The following CCP110 variants were observed in gnomAD, a reference collection of about 807,000 sequenced individuals.
CCP110 encodes centriolar coiled-coil protein 110.
Under a neutral mutation model 105.5 loss-of-function variants are expected in CCP110, and 43 were observed. The observed-to-expected ratio is 0.41, with a 90% CI of 0.32 to 0.53. The LOEUF (loss-of-function observed/expected upper bound fraction) is 0.53. CCP110 is among the 20% of genes least tolerant of loss of function. The pLI is 0.32. For missense variants in CCP110, 1,016 were observed against 1,189.1 expected, an observed-to-expected ratio of 0.85 and a Z score of 2.14; for synonymous variants, 353 against 392.1, an observed-to-expected ratio of 0.90 and a Z score of 1.18.
chr16:19,550,786 T>C (rs1274395620), intron 14 of CCP110, among the ~76,000 whole-genome samples: 1 of 152,242 alleles, frequency 6.6e-6, no homozygotes, highest in Non-Finnish European at 1.5e-5. Context: ...AATTGCAATC[T>C]CTGATGTTAT....
rs370519570 is a variant in CCP110 at position 19,537,154 on chromosome 16, C to T, written c.1485C>T (p.Asn495=). The change falls in exon 4 of 15, where the codon AAC becomes AAT. Residue 495 remains asparagine, a synonymous_variant. Coordinates refer to ENST00000381396, the Ensembl canonical transcript of CCP110. ...ATGAGAGAGGCGCACACATAATGAA[C>T]AGTACCTGTGCTGCGATGCCAAAGC... 195 of 1,614,186 alleles carry T rather than the reference C, an allele frequency of 1.2e-4. No individual in the cohort carries two copies. The Middle Eastern group carries it at 1.3e-3, about 11-fold the overall frequency.
chr16:19,545,025 G>C, intron 9 of CCP110, 69 bp from the exon 10 acceptor site: 1 of 1,004,572 alleles, frequency 1.0e-6, no homozygotes, highest in Non-Finnish European at 1.5e-6. Flanking sequence ...AGTGTACATG[G>C]TATATAGTAT....
chr16:19,542,028 G>A lies in CCP110; in HGVS notation c.2191G>A (p.Ala731Thr), dbSNP rs971664346. ...TTTGCTGGAAACAATGCTGTCTCAA[G>A]CGGACTCACTCCATACTTCAAATTC... Residue 731 changes from alanine (A) to threonine (T), a missense_variant, in exon 6 of 15, where the codon GCG becomes ACG. By Grantham distance (58) the Ala-to-Thr change is moderately conservative. Coordinates refer to ENST00000381396, the Ensembl canonical transcript of CCP110. 4.4e-5 allele frequency: 71 copies of A among 1,598,492 alleles called. 1 individual carries two copies. Among genetic ancestry groups the A allele is most frequent in the Non-Finnish European group, 1.7e-6 (2 of 1,175,882 alleles).
intron 8 of CCP110, among the ~76,000 whole-genome samples, chr16:19,543,490 T>C (rs1019554365): frequency 1.3e-5 from 2 of 152,076 alleles, no homozygotes; most frequent in African/African-American, 4.8e-5. Flanking sequence ...AGGAAATCAG[T>C]GCAACTTGAA....
rs565340675 is a variant in CCP110 at position 19,545,888 on chromosome 16, G to A, written c.2775G>A (p.Met925Ile). Residue 925 changes from methionine (M) to isoleucine (I), a missense_variant and splice_region_variant, in exon 11 of 15, where the codon ATG becomes ATA. Physicochemically the swap from Met to Ile is conservative, Grantham distance 10. Transcript: ENST00000381396. ...AGTCTCTTGATAGGAAGAAATACATGAAGTAAGTTTTTTGTATCATGTCAT... is the reference window on the plus strand; with the variant it reads ...AGTCTCTTGATAGGAAGAAATACATAAAGTAAGTTTTTTGTATCATGTCAT... The A allele has an allele frequency of 2.5e-6, 4 of 1,584,364 alleles. No individual in the cohort carries two copies. The East Asian group carries it at 6.7e-5, about 27-fold the overall frequency.
At chr16:19,530,821 G>T (rs1426657165) in intron 2 of CCP110, among the ~76,000 whole-genome samples, 1 of 152,102 alleles carries the variant, frequency 6.6e-6, no homozygotes, top group African/African-American at 2.4e-5. Flanking sequence ...AGGCATGATG[G>T]TGGGTGCCTG....
At chr16:19,529,182 A>G (rs547969351) in intron 2 of CCP110, among the ~76,000 whole-genome samples, 101 of 152,354 alleles carry the variant, frequency 6.6e-4, no homozygotes, top group African/African-American at 2.3e-3. Context: ...GGGTTTTTCA[A>G]AGGATGGCTA....
intron 11 of CCP110, 74 bp downstream of exon 11, chr16:19,545,964 T>G: frequency 1.2e-6 from 1 of 836,580 alleles, no homozygotes; most frequent in Non-Finnish European, 2.0e-6. Flanking sequence ...TATTTGCATA[T>G]TTAAATTTAG....
chr16:19,528,962 T>A (rs1567347901), intron 2 of CCP110, among the ~76,000 whole-genome samples: 1 of 152,198 alleles, frequency 6.6e-6, no homozygotes, highest in Non-Finnish European at 1.5e-5. Flanking sequence ...AAAAAAAGTC[T>A]AGGCTGTGGA....
chr16:19,532,039 C>G (rs768393135), intron 2 of CCP110, among the ~76,000 whole-genome samples: 8 of 151,584 alleles, frequency 5.3e-5, no homozygotes, highest in African/African-American at 2.4e-5. Flanking sequence ...ATAAAAAACT[C>G]AGCAGTGGCC....
chr16:19,536,521 C>T (rs1394884115), exon 4 of CCP110: 20 of 1,614,064 alleles, frequency 1.2e-5, no homozygotes, highest in Non-Finnish European at 1.7e-5. Context: ...CAGGCAAACA[C>T]TGTGTCTCAG....
At chr16:19,551,709 T>A (rs1366198329) in exon 15 of CCP110, 1 of 154,604 alleles carries the variant, frequency 6.5e-6, no homozygotes, top group African/African-American at 2.4e-5. Flanking sequence ...CCTCATTTTA[T>A]AACTTTAAAA....
intron 2 of CCP110, among the ~76,000 whole-genome samples, chr16:19,531,965 C>CAAA (rs35419402): frequency 1.2e-5 from 1 of 80,094 alleles, no homozygotes; most frequent in Admixed American, 1.3e-4. Context: ...GACTCCATCT[C>CAAA]AAAAAAAAAA....
At chr16:19,542,021 G>A in exon 6 of CCP110, 2 of 1,603,578 alleles carry the variant, frequency 1.2e-6, no homozygotes, top group Non-Finnish European at 1.7e-6. Context: ...AAACAATGCT[G>A]TCTCAAGCGG....
rs115196547 is a variant in CCP110, at chr16:19,533,376, G to T, written c.270+832G>T. On this transcript the variant is annotated intron_variant, in intron 3 of 14. Coordinates refer to ENST00000381396, the Ensembl canonical transcript of CCP110. ...ATGTGCCAAGGAAAAAGAGACAAAA[G>T]TTACAGTAGAATCTGTGGCTTATGC... Among the ~76,000 whole-genome samples, 391 of 152,242 alleles carry T rather than the reference G, an allele frequency of 2.6e-3. 2 individuals carry two copies. The highest frequency in any genetic ancestry group is 8.9e-3 in the African/African-American group (369 of 41,558).
chr16:19,536,937 A>T (rs1195644268), exon 4 of CCP110: 12 of 1,614,114 alleles, frequency 7.4e-6, no homozygotes, highest in Non-Finnish European at 9.3e-6. Context: ...AATGTGCCCG[A>T]AATTATGCCA....
chr16:19,548,181 C>A lies in CCP110; in HGVS notation c.2900+167C>A, dbSNP rs1032387327. On this transcript the variant is annotated intron_variant, in intron 13 of 14. Transcript: ENST00000381396. The surrounding 1 kb of genome is among the most constrained non-coding windows in gnomAD (Gnocchi z 4.1). ...TTTAAAGTTTTGTCTTCAAATGTAA[C>A]CCTCTTGGTGTACTGTTGTGTATTC... The A allele has an allele frequency of 7.5e-6, 5 of 666,618 alleles. No homozygotes were observed. The highest frequency in any genetic ancestry group is 3.2e-4 in the Middle Eastern group (1 of 3,158). 41.3% of individuals were successfully genotyped at this position (666,618 alleles called of 1,614,324 possible). A position where few individuals can be genotyped will look rare whatever the true frequency, so the allele number is the denominator to read the frequency against.
chr16:19,546,293 T>G (rs1485944548), intron 11 of CCP110, 119 bp from the exon 12 acceptor site: 3 of 638,516 alleles, frequency 4.7e-6, no homozygotes, highest in African/African-American at 1.8e-5. Context: ...AGTACAGGTC[T>G]TCCAGTAGTA....
At chr16:19,539,401 G>A (rs547011187) in intron 4 of CCP110, among the ~76,000 whole-genome samples, 9 of 147,552 alleles carry the variant, frequency 6.1e-5, no homozygotes, top group Non-Finnish European at 1.2e-4. Flanking sequence ...GTCTTGCTCC[G>A]TCACCCAGGC....
Sources: allele counts gnomAD v4.1 joint callset (sites outside exome capture counted in the v4.1 genomes callset), GRCh38; gene constraint gnomAD v4.1.1; non-coding constraint Gnocchi (gnomAD v3.1); transcripts MANE v1.5; gene names NCBI Gene and HGNC (gene_info 2026-07-23, HGNC 2026-07-21).